CHIC1: variants seen among roughly 807,000 people sequenced by gnomAD.
CHIC1 encodes cysteine rich hydrophobic domain 1.
A neutral mutation model predicts 18.5 loss-of-function variants in CHIC1; 7 were observed. The observed-to-expected ratio is 0.38, with a 90% CI of 0.22 to 0.71. The LOEUF (loss-of-function observed/expected upper bound fraction) is 0.71. Among genes scored for constraint, CHIC1 ranks in the 30% least tolerant of loss-of-function variants. The probability of loss-of-function intolerance (pLI) is 0.49; values close to 1 mark genes in which losing one functional copy is unlikely to be tolerated. For synonymous variants in CHIC1, 77 were observed against 73.5 expected (o/e 1.05, Z -0.25); for missense variants, 159 against 176.9 (o/e 0.90, Z 0.57).
intron 5 of CHIC1, among the ~76,000 whole-genome samples, chrX:73,679,983 C>T (rs2058089916): frequency 9.0e-6 from 1 of 111,202 alleles, no homozygotes; most frequent in South Asian, 3.7e-4. Context: ...TAGGCACAAA[C>T]CATAGCATGT....
At chrX:73,653,135 G>C (rs1013369350) in intron 3 of CHIC1, among the ~76,000 whole-genome samples, 2 of 110,427 alleles carry the variant, frequency 1.8e-5, no homozygotes, top group Admixed American at 9.7e-5. Context: ...AGAAAACCAA[G>C]CACCTCATGC....
intron 3 of CHIC1, among the ~76,000 whole-genome samples, chrX:73,676,611 G>A (rs1367633574): frequency 1.8e-5 from 2 of 111,057 alleles, no homozygotes; most frequent in Non-Finnish European, 3.8e-5. Flanking sequence ...CTCTGCATTG[G>A]TTATTCTAGT....
At position 73,681,181 on chromosome X, in the gene CHIC1, TTCAA is replaced by T. The variant is rs1320645654; in HGVS notation, c.*178_*181del. On this transcript the variant is annotated 3_prime_UTR_variant, in exon 6 of 6. Coordinates refer to ENST00000373502, the MANE Select transcript of CHIC1 (RefSeq NM_001039840.4). ...GAAAATTTGCACATCTTTTTTGTCT[TTCAA>T]TGAGGCTTGTGTTTTGCACTCTCAA... The T allele has an allele frequency of 4.5e-5, 18 of 401,347 alleles. No homozygotes were observed. Among genetic ancestry groups the T allele is most frequent in the Non-Finnish European group, 7.3e-5 (17 of 233,730 alleles). The allele number at this position is 401,347 out of a possible 1,213,427, so 33.1% of individuals were successfully genotyped here. A position where few individuals can be genotyped will look rare whatever the true frequency, so the allele number is the denominator to read the frequency against.
At chrX:73,674,143 C>T (rs1339637168) in intron 3 of CHIC1, among the ~76,000 whole-genome samples, 3 of 111,873 alleles carry the variant, frequency 2.7e-5, no homozygotes, top group East Asian at 2.8e-4. Flanking sequence ...CTGCTGGATT[C>T]GGTTTGCCAG....
At chrX:73,614,910 G>A (rs1000500402) in intron 3 of CHIC1, among the ~76,000 whole-genome samples, 2 of 110,408 alleles carry the variant, frequency 1.8e-5, no homozygotes, top group African/African-American at 6.6e-5. Context: ...GAATTATTGT[G>A]TTCTTTGGAG....
At chrX:73,641,115 G>A (rs2057853692) in intron 3 of CHIC1, among the ~76,000 whole-genome samples, 1 of 111,573 alleles carries the variant, frequency 9.0e-6, no homozygotes, top group African/African-American at 3.3e-5. Flanking sequence ...AGTCATTCAG[G>A]AACAGGTTGT....
At chrX:73,660,628 G>A (rs1290675558) in intron 3 of CHIC1, among the ~76,000 whole-genome samples, 1 of 111,586 alleles carries the variant, frequency 9.0e-6, no homozygotes, top group Non-Finnish European at 1.9e-5. Flanking sequence ...CCCAGATAAT[G>A]TCCAGGGCTT....
intron 3 of CHIC1, among the ~76,000 whole-genome samples, chrX:73,624,106 T>C (rs942034269): frequency 9.1e-6 from 1 of 109,628 alleles, no homozygotes; most frequent in East Asian, 2.8e-4. Context: ...CCATTCCCCA[T>C]GGGAGTCTTA....
intron 3 of CHIC1, among the ~76,000 whole-genome samples, chrX:73,612,325 A>T (rs1814969159): frequency 1.9e-5 from 2 of 107,976 alleles, no homozygotes; most frequent in African/African-American, 3.4e-5. Flanking sequence ...TCTGATCTTC[A>T]TTTTTTTTCA....
At chrX:73,570,133 G>A (rs749965355) in intron 1 of CHIC1, among the ~76,000 whole-genome samples, 1 of 111,739 alleles carries the variant, frequency 8.9e-6, no homozygotes, top group South Asian at 3.7e-4. Context: ...ATATGGAGCA[G>A]CAAGGAATAA....
intron 3 of CHIC1, among the ~76,000 whole-genome samples, chrX:73,601,490 T>G (rs1164943670): frequency 2.8e-5 from 3 of 105,914 alleles, no homozygotes; most frequent in African/African-American, 1.1e-4. Context: ...AAGGCAGAAA[T>G]AAAGATGTTC....
chrX:73,604,328 TTG>T (rs2057668200), intron 3 of CHIC1, among the ~76,000 whole-genome samples: 1 of 105,884 alleles, frequency 9.4e-6, no homozygotes, highest in African/African-American at 3.7e-5. Flanking sequence ...TGATGGTAGT[TTG>T]TATTTCTGTG....
At chrX:73,665,186 G>A (rs758883060) in intron 3 of CHIC1, among the ~76,000 whole-genome samples, 40 of 110,592 alleles carry the variant, frequency 3.6e-4, no homozygotes, top group African/African-American at 9.6e-4. Flanking sequence ...CAAAACCTCC[G>A]TTTCCTCTTT....
At chrX:73,618,828 T>A (rs943689691) in intron 3 of CHIC1, among the ~76,000 whole-genome samples, 3 of 112,282 alleles carry the variant, frequency 2.7e-5, no homozygotes, top group Non-Finnish European at 5.6e-5. Flanking sequence ...TCACACTAGG[T>A]CGATTTTCTT....
intron 3 of CHIC1, among the ~76,000 whole-genome samples, chrX:73,647,105 C>G (rs1369261564): frequency 8.9e-6 from 1 of 111,733 alleles, no homozygotes; most frequent in African/African-American, 3.3e-5. Context: ...AGTCAGTTGG[C>G]TGAATGGAGG....
chrX:73,640,883 G>T (rs1347198331), intron 3 of CHIC1, among the ~76,000 whole-genome samples: 1 of 111,122 alleles, frequency 9.0e-6, no homozygotes, highest in African/African-American at 3.3e-5. Flanking sequence ...TTTTCTGCTA[G>T]CTTTGTGGTT....
At position 73,563,425 on chromosome X, in the gene CHIC1, TGAGGAGGAAGAGGAGGAAGAGGAG is replaced by T. The variant is rs1369880843; in HGVS notation, c.153_176del (p.Glu61_Glu68del). ...CTGGGCCCGACGATGACGAGGAGGATGAGGAGGAAGAGGAGGAAGAGGAGGAGGAGGAAGAAGAGGAGGAGGAGG... is the reference window on the plus strand; with the variant it reads ...CTGGGCCCGACGATGACGAGGAGGATGAGGAGGAAGAAGAGGAGGAGGAGG... On this transcript the variant is annotated inframe_deletion, in exon 1 of 6. Transcript: ENST00000373502. 1.7e-6 allele frequency: 2 copies of T among 1,145,272 alleles called. No homozygotes were observed. The highest frequency in any genetic ancestry group is 6.7e-5 in the East Asian group (2 of 30,050). The allele number at this position is 1,145,272 out of a possible 1,213,427, so 94.4% of individuals were successfully genotyped here.
At chrX:73,622,376 G>C (rs1292998149) in intron 3 of CHIC1, among the ~76,000 whole-genome samples, 1 of 111,558 alleles carries the variant, frequency 9.0e-6, no homozygotes, top group African/African-American at 3.3e-5. Context: ...TTCAGAACCT[G>C]TTATTGGTCT....
At chrX:73,606,827 A>G (rs986131051) in intron 3 of CHIC1, among the ~76,000 whole-genome samples, 1 of 108,963 alleles carries the variant, frequency 9.2e-6, no homozygotes, top group African/African-American at 3.6e-5. Flanking sequence ...AATAGCAAAG[A>G]TTGCTGCCTG....
Sources: allele counts gnomAD v4.1 joint callset (sites outside exome capture counted in the v4.1 genomes callset), GRCh38; gene constraint gnomAD v4.1.1; transcripts MANE v1.5; gene names NCBI Gene and HGNC (gene_info 2026-07-23, HGNC 2026-07-21).